The following WNK2 variants were observed in gnomAD, a reference collection of about 807,000 sequenced individuals.
WNK2 encodes WNK lysine deficient protein kinase 2.
Under a neutral mutation model 192.1 loss-of-function variants are expected in WNK2, and 67 were observed. The observed-to-expected ratio is 0.35, with a 90% CI of 0.29 to 0.43. The LOEUF (loss-of-function observed/expected upper bound fraction) is 0.43, where lower values mean the gene tolerates loss of function less well. Among genes scored for constraint, WNK2 ranks in the 20% least tolerant of loss-of-function variants. WNK2 has a pLI of 1.00. For synonymous variants in WNK2, 1,439 were observed against 1,393.9 expected, an observed-to-expected ratio of 1.03 and a Z score of -0.72; for missense variants, 2,698 against 3,089.7, an observed-to-expected ratio of 0.87 and a Z score of 3.01.
chr9:93,241,311 G>A (rs1840722358), intron 7 of WNK2, among the ~76,000 whole-genome samples: 1 of 152,260 alleles, frequency 6.6e-6, no homozygotes, highest in Non-Finnish European at 1.5e-5. Flanking sequence ...CTAGGAAGAA[G>A]GCAGTTAGTA....
At chr9:93,185,659 AGT>A in intron 2 of WNK2, 49 bp downstream of exon 2, 1 of 1,568,514 alleles carries the variant, frequency 6.4e-7, no homozygotes, top group South Asian at 1.2e-5. Flanking sequence ...TCTGTCCGCG[AGT>A]GCGTCCTTGG....
chr9:93,191,199 A>C (rs1305970231), intron 2 of WNK2, among the ~76,000 whole-genome samples: 1 of 152,012 alleles, frequency 6.6e-6, no homozygotes, highest in Admixed American at 6.6e-5. Flanking sequence ...CTGTCCTGTC[A>C]TTTCCGGGGA....
At chr9:93,248,486 G>A (rs1244466501) in intron 8 of WNK2, among the ~76,000 whole-genome samples, 2 of 152,204 alleles carry the variant, frequency 1.3e-5, no homozygotes, top group Non-Finnish European at 2.9e-5. Context: ...TGGCCCCTTG[G>A]GGGGAATGTG....
At chr9:93,301,443 C>G (rs867259888) in intron 26 of WNK2, among the ~76,000 whole-genome samples, 2 of 152,292 alleles carry the variant, frequency 1.3e-5, no homozygotes, top group African/African-American at 4.8e-5. Flanking sequence ...AATGCCAGGG[C>G]CTTCCCAGGG....
chr9:93,250,703 T>C (rs916336421), intron 8 of WNK2, among the ~76,000 whole-genome samples: 5 of 152,106 alleles, frequency 3.3e-5, no homozygotes, highest in Non-Finnish European at 7.4e-5. Context: ...AAGCAGCTGG[T>C]GACTGTAGTA....
intron 15 of WNK2, 27 bp downstream of exon 15, chr9:93,263,761 GTGGT>G: frequency 8.5e-7 from 1 of 1,172,838 alleles, no homozygotes; most frequent in Non-Finnish European, 1.1e-6. Flanking sequence ...TGGCGGGGGT[GTGGT>G]GGGGGTGGGG....
intron 8 of WNK2, among the ~76,000 whole-genome samples, chr9:93,250,039 G>A (rs2132564566): frequency 6.7e-6 from 1 of 149,728 alleles, no homozygotes. Context: ...TCAGCCTCCT[G>A]AGTAGCTGGG....
intron 7 of WNK2, among the ~76,000 whole-genome samples, chr9:93,243,467 C>T (rs975073459): frequency 9.9e-5 from 15 of 152,218 alleles, no homozygotes; most frequent in African/African-American, 3.4e-4. Flanking sequence ...ACCTTCACCC[C>T]CGCTTCTGCA....
intron 2 of WNK2, among the ~76,000 whole-genome samples, chr9:93,190,319 C>T (rs1319280499): frequency 2.0e-5 from 3 of 152,202 alleles, no homozygotes; most frequent in South Asian, 2.1e-4. Flanking sequence ...TGCAGGTCAC[C>T]GTCATGGGGG....
intron 4 of WNK2, among the ~76,000 whole-genome samples, chr9:93,233,846 C>T (rs1444811444): frequency 2.0e-5 from 3 of 152,020 alleles, no homozygotes; most frequent in Non-Finnish European, 2.9e-5. Context: ...AACAAACATC[C>T]AGACGTTAAA....
chr9:93,279,201 T>TAA (rs1847370052), intron 19 of WNK2, among the ~76,000 whole-genome samples: 1 of 152,214 alleles, frequency 6.6e-6, no homozygotes, highest in African/African-American at 2.4e-5. Flanking sequence ...GCAGAAAACA[T>TAA]GTTTGTGTAG....
At chr9:93,233,764 T>C (rs1206997863) in intron 4 of WNK2, among the ~76,000 whole-genome samples, 1 of 151,580 alleles carries the variant, frequency 6.6e-6, no homozygotes, top group African/African-American at 2.4e-5. Flanking sequence ...CAAAACGTGC[T>C]TTTAAAATGC....
At chr9:93,309,519 T>G (rs1853255676) in intron 28 of WNK2, among the ~76,000 whole-genome samples, 1 of 152,210 alleles carries the variant, frequency 6.6e-6, no homozygotes, top group Non-Finnish European at 1.5e-5. Context: ...AAAGTATCCA[T>G]AATAGCTATT....
chr9:93,215,268 T>C (rs1239762681), intron 2 of WNK2, among the ~76,000 whole-genome samples: 1 of 152,112 alleles, frequency 6.6e-6, no homozygotes, highest in African/African-American at 2.4e-5. Flanking sequence ...CTAGCCACCA[T>C]GCCCAGCTGA....
chr9:93,229,415 A>G lies in WNK2; in HGVS notation c.682-281A>G, dbSNP rs1838356668. 6.6e-6 allele frequency among the ~76,000 whole-genome samples: 1 copy of G among 152,208 alleles called. No homozygotes were observed. Among genetic ancestry groups the G allele is most frequent in the African/African-American group, 2.4e-5 (1 of 41,450 alleles). Reference sequence around the variant, plus strand: ...AGGCCTCAGAGGTGTATTTTTGGAAAAAGTGCTCAAGTGTGGCCGTGTGGA... The same window carrying G: ...AGGCCTCAGAGGTGTATTTTTGGAAGAAGTGCTCAAGTGTGGCCGTGTGGA... On this transcript the variant is annotated intron_variant, in intron 2 of 29. Coordinates refer to ENST00000427277, the MANE Select transcript of WNK2 (RefSeq NM_006648.4). The surrounding 1 kb of genome is among the most constrained non-coding windows in gnomAD (Gnocchi z 4.9).
chr9:93,314,602 T>C (rs556363983), intron 28 of WNK2, among the ~76,000 whole-genome samples: 1 of 152,308 alleles, frequency 6.6e-6, no homozygotes, highest in South Asian at 2.1e-4. Flanking sequence ...CAGCCATTTA[T>C]AAGCAATGAT....
chr9:93,189,692 C>T (rs1829975962), intron 2 of WNK2, among the ~76,000 whole-genome samples: 4 of 152,248 alleles, frequency 2.6e-5, no homozygotes. Context: ...GGCAGCCCCG[C>T]CAGTGCCAGT....
chr9:93,203,132 C>T (rs184454703), intron 2 of WNK2, among the ~76,000 whole-genome samples: 20 of 151,874 alleles, frequency 1.3e-4, no homozygotes, highest in Admixed American at 5.2e-4. Flanking sequence ...TTTCGGGGGG[C>T]GCTGGGAAGG....
intron 23 of WNK2, among the ~76,000 whole-genome samples, 179 bp downstream of exon 23, chr9:93,293,352 C>T (rs563048883): frequency 6.7e-6 from 1 of 149,748 alleles, no homozygotes; most frequent in African/African-American, 2.5e-5. Context: ...GACAGTCTCG[C>T]TCTGTCACCC....
Sources: allele counts gnomAD v4.1 joint callset (sites outside exome capture counted in the v4.1 genomes callset), GRCh38; gene constraint gnomAD v4.1.1; non-coding constraint Gnocchi (gnomAD v3.1); transcripts MANE v1.5; gene names NCBI Gene and HGNC (gene_info 2026-07-23, HGNC 2026-07-21).